Variants in RCOR2 observed in about 807,000 individuals in gnomAD.
The protein encoded by RCOR2 is REST corepressor 2.
Under a neutral mutation model 58.9 loss-of-function variants are expected in RCOR2, and 19 were observed. The ratio of observed to expected loss-of-function variants is 0.32; its 90% CI spans 0.23 to 0.47. The LOEUF (loss-of-function observed/expected upper bound fraction) is 0.47. RCOR2 is among the 20% of genes least tolerant of loss of function. The probability of loss-of-function intolerance (pLI) is 1.00; values close to 1 mark genes in which losing one functional copy is unlikely to be tolerated. For missense variants in RCOR2, 590 were observed against 707.9 expected, an observed-to-expected ratio of 0.83 and a Z score of 1.89; for synonymous variants, 286 against 278.7, an observed-to-expected ratio of 1.03 and a Z score of -0.26.
At chr11:63,913,911 G>A (rs764065384) in intron 8 of RCOR2, 43 bp downstream of exon 8, 65 of 1,576,974 alleles carry the variant, frequency 4.1e-5, no homozygotes, top group Non-Finnish European at 2.6e-5. Context: ...CCCAGGTGCC[G>A]AATGCCACCT....
upstream of RCOR2, among the ~76,000 whole-genome samples, chr11:63,917,556 C>G (rs919009940): frequency 3.9e-5 from 6 of 152,170 alleles, no homozygotes; most frequent in Admixed American, 2.0e-4. Context: ...ATTTCCCTTC[C>G]TGCCAAGGAA....
At chr11:63,926,601 T>C in the RCOR2 span, among the ~76,000 whole-genome samples, 4 of 149,142 alleles carry the variant, frequency 2.7e-5, no homozygotes, top group African/African-American at 9.9e-5. Flanking sequence ...ATTCTCCGCC[T>C]CAGCCTCCTG....
At chr11:63,919,296 C>G (rs907891408), upstream of RCOR2, among the ~76,000 whole-genome samples, 1 of 152,042 alleles carries the variant, frequency 6.6e-6, no homozygotes, top group Non-Finnish European at 1.5e-5. Flanking sequence ...CCCCTCCCAC[C>G]TGCTACAGCC....
At chr11:63,920,047 G>T (rs1221601826), upstream of RCOR2, among the ~76,000 whole-genome samples, 1 of 152,204 alleles carries the variant, frequency 6.6e-6, no homozygotes, top group African/African-American at 2.4e-5. Flanking sequence ...CAGCGCCCTT[G>T]CCACACACAC....
At chr11:63,924,052 G>A in the RCOR2 span, among the ~76,000 whole-genome samples, 1 of 152,098 alleles carries the variant, frequency 6.6e-6, no homozygotes, top group Non-Finnish European at 1.5e-5. Context: ...GGAATTACAG[G>A]CATGTGCTAC....
intron 1 of RCOR2, among the ~76,000 whole-genome samples, chr11:63,915,981 GCT>G (rs1421336254): frequency 6.6e-6 from 1 of 152,216 alleles, no homozygotes; most frequent in East Asian, 1.9e-4. Flanking sequence ...GAGCCTCACA[GCT>G]CTGTGTGGAG....
chr11:63,925,460 G>C, the RCOR2 span, among the ~76,000 whole-genome samples: 3 of 152,148 alleles, frequency 2.0e-5, no homozygotes, highest in Non-Finnish European at 4.4e-5. Context: ...GCACAGGAGT[G>C]TTGGCTGCCA....
chr11:63,925,427 A>G, the RCOR2 span, among the ~76,000 whole-genome samples: 302 of 152,260 alleles, frequency 2.0e-3, 1 homozygote, highest in African/African-American at 6.8e-3. Flanking sequence ...TTGTAAATGT[A>G]AGACAAAAGA....
At chr11:63,916,101 G>A (rs1431810015) in intron 1 of RCOR2, among the ~76,000 whole-genome samples, 1 of 152,254 alleles carries the variant, frequency 6.6e-6, no homozygotes, top group Non-Finnish European at 1.5e-5. Context: ...CTGAGGGGGT[G>A]AGGGCAGGGC....
chr11:63,917,743 T>A (rs1320473935), upstream of RCOR2, among the ~76,000 whole-genome samples: 5 of 151,688 alleles, frequency 3.3e-5, no homozygotes, highest in Non-Finnish European at 5.9e-5. Flanking sequence ...ACTGCTGCAG[T>A]ATGCACCCCT....
At chr11:63,926,523 CAG>C in the RCOR2 span, among the ~76,000 whole-genome samples, 2 of 137,896 alleles carry the variant, frequency 1.5e-5, no homozygotes, top group Non-Finnish European at 3.0e-5. Context: ...TTGTTTGAGA[CAG>C]AGTCTCGCTG....
upstream of RCOR2, among the ~76,000 whole-genome samples, chr11:63,918,778 C>G (rs1420572761): frequency 6.6e-6 from 1 of 152,136 alleles, no homozygotes; most frequent in East Asian, 1.9e-4. Context: ...CATCTTGCCC[C>G]CGCCCCCTAT....
In RCOR2 at chr11:63,917,076, C is replaced by CCTCCCCGGCGCGCTCGCT. The variant is rs1326748639; in HGVS notation, c.-638_-621dup. Among the ~76,000 whole-genome samples, 8 of 150,768 alleles carry CCTCCCCGGCGCGCTCGCT rather than the reference C, an allele frequency of 5.3e-5. No homozygotes were observed. The highest frequency in any genetic ancestry group is 6.6e-5 in the Admixed American group (1 of 15,154). ...CGCAGCCGCGGGTGCCGCCTCGCACCCTCCCCGGCGCGCTCGCTCTCCCCG... is the reference window on the plus strand; with the variant it reads ...CGCAGCCGCGGGTGCCGCCTCGCACCCTCCCCGGCGCGCTCGCTCTCCCCGGCGCGCTCGCTCTCCCCG... On this transcript the variant is annotated 5_prime_UTR_variant, in exon 1 of 12. Transcript: ENST00000301459.
At chr11:63,913,002 A>G (rs777204533) in intron 8 of RCOR2, 55 bp from the exon 9 acceptor site, 4 of 1,490,868 alleles carry the variant, frequency 2.7e-6, no homozygotes, top group Non-Finnish European at 3.7e-6. Context: ...GCAGGCCACT[A>G]TGCCCCTCAC....
At position 63,913,809 on chromosome 11, in the gene RCOR2, A is replaced by G. The variant is rs1941814671; in HGVS notation, c.891+145T>C. Reference sequence around the variant, plus strand: ...CAGACCAGTTTTTAAGAGAAGGCCCAAAAAGAACACCACATTACTCAGAGT... The same window carrying G: ...CAGACCAGTTTTTAAGAGAAGGCCCGAAAAGAACACCACATTACTCAGAGT... On this transcript the variant is annotated intron_variant, in intron 8 of 11. Coordinates refer to ENST00000301459, the MANE Select transcript of RCOR2 (RefSeq NM_173587.4). The G allele has an allele frequency of 8.6e-6, 7 of 818,286 alleles. No homozygotes were observed. In the South Asian group the frequency reaches 1.1e-4, roughly 13 times the overall value. The allele number at this position is 818,286 out of a possible 1,614,324, so 50.7% of individuals were successfully genotyped here.
rs1295322127 is a variant in RCOR2, at chr11:63,913,184, A to ATAT, written c.892-238_892-237insATA. On this transcript the variant is annotated intron_variant, in intron 8 of 11. Transcript: ENST00000301459. ...TTTTTATATATATATATATATATATATTTTTTTTTTTTTTTTTTTGAGAAG... is the reference window on the plus strand; with the variant it reads ...TTTTTATATATATATATATATATATATATTTTTTTTTTTTTTTTTTTTGAGAAG... Among the ~76,000 whole-genome samples, 167 of 77,858 alleles carry ATAT rather than the reference A, an allele frequency of 2.1e-3. 1 individual carries two copies. Among genetic ancestry groups the ATAT allele is most frequent in the African/African-American group, 1.9e-3 (32 of 17,146 alleles). The allele number at this position is 77,858 out of a possible 152,430, so 51.1% of individuals were successfully genotyped here. A position where few individuals can be genotyped will look rare whatever the true frequency, so the allele number is the denominator to read the frequency against.
intron 9 of RCOR2, 56 bp downstream of exon 9, chr11:63,912,814 G>A (rs903359904): frequency 4.4e-6 from 7 of 1,606,288 alleles, no homozygotes; most frequent in Non-Finnish European, 6.0e-6. Context: ...TACTCTTTCT[G>A]CTCTGCCTCC....
chr11:63,918,028 G>A (rs1941884182), upstream of RCOR2, among the ~76,000 whole-genome samples: 1 of 151,978 alleles, frequency 6.6e-6, no homozygotes, highest in Non-Finnish European at 1.5e-5. Context: ...CGCACACACC[G>A]GCGGCGGCTC....
intron 1 of RCOR2, 22 bp from the exon 2 acceptor site, chr11:63,915,633 G>C: frequency 1.2e-6 from 1 of 808,718 alleles, no homozygotes; most frequent in Non-Finnish European, 1.8e-6. Context: ...GGGGGAGGCA[G>C]TCAGGACTCC....
Sources: gnomAD v4.1 joint callset for allele counts (sites outside exome capture counted in the v4.1 genomes callset) on GRCh38, gnomAD v4.1.1 for gene constraint, MANE v1.5 for transcripts, NCBI Gene and HGNC (gene_info 2026-07-23, HGNC 2026-07-21) for gene names.